Variants in SKI observed in about 807,000 individuals in gnomAD.
SKI encodes SKI proto-oncogene.
Under a neutral mutation model 59.3 loss-of-function variants are expected in SKI, and 23 were observed. The ratio of observed to expected loss-of-function variants is 0.39; its 90% CI spans 0.28 to 0.55. The LOEUF (loss-of-function observed/expected upper bound fraction) is 0.55, where lower values mean the gene tolerates loss of function less well. SKI is among the 20% of genes least tolerant of loss of function. The pLI, the probability that SKI is intolerant of heterozygous loss-of-function variation, is 0.67. For missense variants in SKI, 1,017 were observed against 1,038.9 expected (o/e 0.98, Z 0.29); for synonymous variants, 673 against 488.6 (o/e 1.38, Z -4.98).
At chr1:2,234,927 G>C (rs751466580) in intron 1 of SKI, among the ~76,000 whole-genome samples, 10 of 152,298 alleles carry the variant, frequency 6.6e-5, no homozygotes, top group South Asian at 2.1e-4. Flanking sequence ...ATGGAGGGGG[G>C]GCTGCCTGGG....
intron 1 of SKI, among the ~76,000 whole-genome samples, chr1:2,246,742 T>C (rs1033017001): frequency 2.6e-5 from 4 of 151,968 alleles, no homozygotes; most frequent in East Asian, 1.9e-4. Flanking sequence ...GTGAGTGCCA[T>C]TGGGGGAGGG....
chr1:2,277,017 C>G (rs1018685258), intron 1 of SKI, among the ~76,000 whole-genome samples: 4 of 152,174 alleles, frequency 2.6e-5, no homozygotes, highest in African/African-American at 9.7e-5. Flanking sequence ...GCTGTGGGTG[C>G]TGGAGCGGTT....
chr1:2,273,234 C>G (rs937600162), intron 1 of SKI, among the ~76,000 whole-genome samples: 2 of 152,246 alleles, frequency 1.3e-5, no homozygotes, highest in African/African-American at 4.8e-5. Context: ...CTCCTTCCCA[C>G]TGGCGCCGGA....
At chr1:2,302,921 TGGA>T in intron 1 of SKI, 54 bp from the exon 2 acceptor site, 1 of 1,611,966 alleles carries the variant, frequency 6.2e-7, no homozygotes, top group Non-Finnish European at 8.5e-7. Flanking sequence ...ACGGGGCTGG[TGGA>T]GGGACCCTGC....
chr1:2,301,764 C>T (rs535305930), intron 1 of SKI, among the ~76,000 whole-genome samples: 11 of 152,366 alleles, frequency 7.2e-5, no homozygotes, highest in Admixed American at 1.3e-4. Context: ...AGGGCAAGGG[C>T]GGAGCCCCCA....
chr1:2,260,302 T>C (rs1344525379), intron 1 of SKI, among the ~76,000 whole-genome samples: 1 of 152,194 alleles, frequency 6.6e-6, no homozygotes, highest in Non-Finnish European at 1.5e-5. Context: ...TGCCACCATA[T>C]GTCTTCTTTG....
At chr1:2,250,023 G>A (rs1639096471) in intron 1 of SKI, among the ~76,000 whole-genome samples, 3 of 152,074 alleles carry the variant, frequency 2.0e-5, no homozygotes, top group African/African-American at 7.2e-5. Flanking sequence ...TCCTGCCTCA[G>A]CCTCCCGAAT....
chr1:2,248,250 C>T (rs1466433553), intron 1 of SKI, among the ~76,000 whole-genome samples: 4 of 152,154 alleles, frequency 2.6e-5, no homozygotes, highest in African/African-American at 4.8e-5. Context: ...CTGCCGCGTC[C>T]CCTCTCCGGG....
rs369527279 is a variant in SKI at position 2,303,114 on chromosome 1, G to A, written c.1095+11G>A. On this transcript the variant is annotated intron_variant, in intron 2 of 6. Coordinates refer to ENST00000378536, the MANE Select transcript of SKI (RefSeq NM_003036.4). The surrounding 1 kb of genome is among the most constrained non-coding windows in gnomAD (Gnocchi z 5.6). ...GGCTCTTCCAATAAGGTGCTGTGGG[G>A]CCTGTCGGGGTCCTTGGGGTGGTGG... 8.7e-6 allele frequency: 14 copies of A among 1,613,038 alleles called. No individual in the cohort carries two copies. In the African/African-American group the frequency reaches 1.7e-4, roughly 20 times the overall value.
chr1:2,228,848 T>G lies in SKI; in HGVS notation c.82T>G (p.Ser28Ala). ...GACGCTGGAGCAGTTCCACCTGAGC[T>G]CCATGAGCTCGCTGGGCGGCCCGGC... ...QKTLEQFHLS[S>A]MSSLGGPAAF... Residue 28 changes from serine (S) to alanine (A), a missense_variant, in exon 1 of 7, where the codon TCC (serine) becomes GCC (alanine). Transcript: ENST00000378536. 7.0e-7 allele frequency: 1 copy of G among 1,422,632 alleles called. No homozygotes were observed. Among genetic ancestry groups the G allele is most frequent in the Non-Finnish European group, 9.2e-7 (1 of 1,083,788 alleles). The allele number at this position is 1,422,632 out of a possible 1,614,324, so 88.1% of individuals were successfully genotyped here.
At chr1:2,235,502 G>C (rs577491839) in intron 1 of SKI, among the ~76,000 whole-genome samples, 1 of 152,362 alleles carries the variant, frequency 6.6e-6, no homozygotes, top group East Asian at 1.9e-4. Context: ...CCGGGGGCTG[G>C]GGGGCATGAT....
chr1:2,235,375 C>T (rs537809245), intron 1 of SKI, among the ~76,000 whole-genome samples: 1 of 152,316 alleles, frequency 6.6e-6, no homozygotes, highest in African/African-American at 2.4e-5. Flanking sequence ...GAAGGCATCC[C>T]CGGGGTCTGC....
rs1640573309 is a variant in SKI at position 2,306,239 on chromosome 1, T to G, written c.1987T>G (p.Tyr663Asp). The part of the protein sequence containing the change: ...GCEAGRLRAK[Y>D]SAQIEDLQVK... ...CGAGGCGGGCCGCCTGCGCGCCAAG[T>G]ACTCGGCCCAGGTATGCGGGTGGGG... Residue 663 changes from tyrosine to aspartate, a missense_variant, in exon 6 of 7, where the codon TAC becomes GAC. Transcript: ENST00000378536. 6 of 1,555,000 alleles carry G rather than the reference T, an allele frequency of 3.9e-6. No homozygotes were observed. Among genetic ancestry groups the G allele is most frequent in the Non-Finnish European group, 5.2e-6 (6 of 1,150,424 alleles).
intron 1 of SKI, among the ~76,000 whole-genome samples, chr1:2,255,407 C>T (rs1020148644): frequency 2.0e-5 from 3 of 152,248 alleles, no homozygotes; most frequent in African/African-American, 4.8e-5. Flanking sequence ...CATTTCTTAT[C>T]TGGAACACTG....
chr1:2,251,648 G>A (rs1028949272), intron 1 of SKI, among the ~76,000 whole-genome samples: 6 of 152,206 alleles, frequency 3.9e-5, no homozygotes, highest in Non-Finnish European at 1.5e-5. Context: ...GCATCTGGGG[G>A]GGCTGGCGCC....
intron 1 of SKI, among the ~76,000 whole-genome samples, chr1:2,265,818 A>G (rs950925698): frequency 6.6e-6 from 1 of 151,998 alleles, no homozygotes; most frequent in Non-Finnish European, 1.5e-5. Context: ...AAATACAAAA[A>G]TTAGCCAGGC....
intron 1 of SKI, among the ~76,000 whole-genome samples, chr1:2,249,488 G>A (rs978837671): frequency 6.6e-6 from 1 of 152,228 alleles, no homozygotes; most frequent in East Asian, 1.9e-4. Context: ...TGGTGGTCCC[G>A]GGTGGCCGGC....
intron 1 of SKI, among the ~76,000 whole-genome samples, chr1:2,244,310 G>C (rs1471084226): frequency 6.6e-6 from 1 of 150,522 alleles, no homozygotes; most frequent in Non-Finnish European, 1.5e-5. Context: ...GGGCATGGTG[G>C]CTCACACCTG....
intron 1 of SKI, among the ~76,000 whole-genome samples, chr1:2,295,911 A>G (rs938037547): frequency 2.0e-5 from 3 of 152,100 alleles, no homozygotes; most frequent in Non-Finnish European, 4.4e-5. Context: ...TGTCGTGTGG[A>G]TGTGTGTTTT....
Sources: gnomAD v4.1 joint callset for allele counts (sites outside exome capture counted in the v4.1 genomes callset) on GRCh38, gnomAD v4.1.1 for gene constraint, Gnocchi (gnomAD v3.1) non-coding constraint, MANE v1.5 for transcripts, NCBI Gene and HGNC (gene_info 2026-07-23, HGNC 2026-07-21) for gene names.